SLC44A5: variants seen among roughly 807,000 people sequenced by gnomAD.
SLC44A5 encodes choline transporter-like protein 5.
Under a neutral mutation model 101.8 loss-of-function variants are expected in SLC44A5, and 57 were observed. That is an observed-to-expected ratio of 0.56 (90% confidence interval 0.45 to 0.70). The LOEUF (loss-of-function observed/expected upper bound fraction) is 0.70, where lower values mean the gene tolerates loss of function less well. SLC44A5 is among the 30% of genes least tolerant of loss of function. SLC44A5 has a pLI of 0.00. For missense variants in SLC44A5, 737 were observed against 853.1 expected, an observed-to-expected ratio of 0.86 and a Z score of 1.70; for synonymous variants, 281 against 290.9, an observed-to-expected ratio of 0.97 and a Z score of 0.35.
At chr1:75,254,878 A>C (rs1381543201) in intron 6 of SLC44A5, among the ~76,000 whole-genome samples, 1 of 152,192 alleles carries the variant, frequency 6.6e-6, no homozygotes, top group African/African-American at 2.4e-5. Flanking sequence ...ACCAGCATCC[A>C]GAAAATAGCT....
At chr1:75,677,920 CG>C in the SLC44A5 span, 1 of 216,936 alleles carries the variant, frequency 4.6e-6, no homozygotes, top group African/African-American at 2.4e-5. Context: ...GTGCACGAGC[CG>C]AAGCAGGGCG....
chr1:75,245,129 GC>G (rs1648993510), intron 7 of SLC44A5, among the ~76,000 whole-genome samples: 1 of 152,088 alleles, frequency 6.6e-6, no homozygotes, highest in African/African-American at 2.4e-5. Context: ...TTTTCTTGAA[GC>G]AATAGCAGTT....
intron 4 of SLC44A5, among the ~76,000 whole-genome samples, chr1:75,336,668 G>C (rs1657468923): frequency 6.6e-6 from 1 of 152,090 alleles, no homozygotes; most frequent in Non-Finnish European, 1.5e-5. Context: ...CAAGCAAATG[G>C]TCATACAACA....
the SLC44A5 span, among the ~76,000 whole-genome samples, chr1:75,627,673 C>G: frequency 6.6e-6 from 1 of 151,416 alleles, no homozygotes; most frequent in Non-Finnish European, 1.5e-5. Context: ...CAGAGCAAGA[C>G]CACATCTCTA....
At chr1:75,417,383 TTC>T (rs1157536124) in intron 2 of SLC44A5, among the ~76,000 whole-genome samples, 2 of 152,244 alleles carry the variant, frequency 1.3e-5, no homozygotes, top group Non-Finnish European at 2.9e-5. Context: ...CCAAATAAAC[TTC>T]TTTCTTTTGT....
chr1:75,681,474 A>C, the SLC44A5 span, among the ~76,000 whole-genome samples: 24 of 151,520 alleles, frequency 1.6e-4, no homozygotes, highest in African/African-American at 4.8e-4. Context: ...AATAAATGTA[A>C]TCCAGCATAT....
chr1:75,234,083 G>A lies in SLC44A5; in HGVS notation c.756C>T (p.Ala252=). 6.2e-7 allele frequency: 1 copy of A among 1,612,910 alleles called. No homozygotes were observed. Among genetic ancestry groups the A allele is most frequent in the East Asian group, 2.2e-5 (1 of 44,798 alleles). ...TCAAAAATATCCAACTAAGGACCAT[G>A]GCAATCGTCAGGCCACTAGAAAAAA... is the stretch of plus-strand genomic sequence containing the variant. ...WYWILIGLTI[A]MVLSWIFLIL... The change falls in exon 12 of 24, where the codon GCC becomes GCT. Residue 252 remains alanine (A), a synonymous_variant. Transcript: ENST00000370859.
At chr1:75,613,748 T>C (rs75266655), upstream of SLC44A5, among the ~76,000 whole-genome samples, 1,074 of 152,392 alleles carry the variant, frequency 7.0e-3, 12 homozygotes, top group African/African-American at 0.024. Flanking sequence ...ACTTAACTGC[T>C]ATTCTTCAAT....
the SLC44A5 span, among the ~76,000 whole-genome samples, chr1:75,645,809 A>G: frequency 1.4e-4 from 19 of 136,084 alleles, 4 homozygotes; most frequent in Non-Finnish European, 2.6e-4. Context: ...TCATTTTTGT[A>G]TAAGGTGTAA....
At chr1:75,622,354 A>G in the SLC44A5 span, among the ~76,000 whole-genome samples, 1 of 152,036 alleles carries the variant, frequency 6.6e-6, no homozygotes, top group Non-Finnish European at 1.5e-5. Flanking sequence ...GCAGAGGAAA[A>G]TTTTGTTAAT....
the SLC44A5 span, among the ~76,000 whole-genome samples, chr1:75,638,388 G>A: frequency 6.6e-6 from 1 of 151,936 alleles, no homozygotes; most frequent in African/African-American, 2.4e-5. Flanking sequence ...AACAAACACA[G>A]TGTTAATATG....
the SLC44A5 span, among the ~76,000 whole-genome samples, chr1:75,675,680 C>T: frequency 5.0e-4 from 76 of 152,222 alleles, 1 homozygote; most frequent in South Asian, 7.5e-3. Flanking sequence ...GAAGCAACTG[C>T]AACAAAAGCA....
intron 2 of SLC44A5, among the ~76,000 whole-genome samples, chr1:75,426,701 C>T (rs1410884927): frequency 6.6e-6 from 1 of 152,218 alleles, no homozygotes; most frequent in Non-Finnish European, 1.5e-5. Flanking sequence ...GGCTGACTCA[C>T]TTTCCTAAGC....
the SLC44A5 span, among the ~76,000 whole-genome samples, chr1:75,713,763 G>A: frequency 2.0e-5 from 3 of 152,138 alleles, no homozygotes; most frequent in South Asian, 4.1e-4. Flanking sequence ...TGTGCTATAC[G>A]TCTCTCTGAG....
Position 75,533,099 on chromosome 1 carries a change from G to A in SLC44A5, c.13+8336C>T, listed in dbSNP as rs555953325. ...CCCTTCTGCCTAAATTCAGCCCATT[G>A]TAGACCCTGCTCAAGTTCTGCCTTT... On this transcript the variant is annotated intron_variant, in intron 2 of 23. Transcript: ENST00000370859. Among the ~76,000 whole-genome samples the A allele has an allele frequency of 1.2e-4, 18 of 152,166 alleles. No homozygotes were observed. In the East Asian group the frequency reaches 2.1e-3, roughly 18 times the overall value.
chr1:75,534,714 C>T (rs1289025263), intron 2 of SLC44A5, among the ~76,000 whole-genome samples: 3 of 152,210 alleles, frequency 2.0e-5, no homozygotes, highest in Non-Finnish European at 4.4e-5. Flanking sequence ...GAAATAACTT[C>T]CATTACTGAA....
the SLC44A5 span, among the ~76,000 whole-genome samples, chr1:75,676,643 CA>C: frequency 6.6e-6 from 1 of 152,180 alleles, no homozygotes; most frequent in Non-Finnish European, 1.5e-5. Context: ...CACCATGGTA[CA>C]CATTTACTTA....
chr1:75,338,386 C>T (rs902075211), intron 4 of SLC44A5, among the ~76,000 whole-genome samples: 9 of 152,172 alleles, frequency 5.9e-5, no homozygotes, highest in African/African-American at 2.2e-4. Flanking sequence ...CCTAGAAAGA[C>T]ACACCTGTAA....
At chr1:75,254,526 C>T (rs1649853544) in intron 6 of SLC44A5, among the ~76,000 whole-genome samples, 1 of 152,106 alleles carries the variant, frequency 6.6e-6, no homozygotes, top group African/African-American at 2.4e-5. Context: ...TCTCTTCTTT[C>T]CTGAGACTCA....
Sources: gnomAD v4.1 joint callset for allele counts (sites outside exome capture counted in the v4.1 genomes callset) on GRCh38, gnomAD v4.1.1 for gene constraint, MANE v1.5 for transcripts, NCBI Gene and HGNC (gene_info 2026-07-23, HGNC 2026-07-21) for gene names.